The following UBE3C variants were observed in gnomAD, a reference collection of about 807,000 sequenced individuals.
UBE3C encodes ubiquitin-protein ligase E3C.
UBE3C carries 42 observed loss-of-function variants against 129.4 expected under a neutral mutation model. That is an observed-to-expected ratio of 0.32 (90% CI 0.25 to 0.42). The LOEUF is 0.42. Ranked by LOEUF, UBE3C falls within the 10% of genes least tolerant of loss-of-function variation. The probability of loss-of-function intolerance (pLI) is 1.00; values close to 1 mark genes in which losing one functional copy is unlikely to be tolerated. For synonymous variants in UBE3C, 510 were observed against 492.4 expected (o/e 1.04, Z -0.47); for missense variants, 1,049 against 1,319.1 (o/e 0.80, Z 3.17).
At chr7:157,142,817 G>A (rs28434409) in intron 1 of UBE3C, among the ~76,000 whole-genome samples, 2,036 of 151,808 alleles carry the variant, frequency 0.013, 40 homozygotes, top group African/African-American at 0.047. Flanking sequence ...TGTAACAAAC[G>A]TGCATAGGTA....
chr7:157,211,497 C>T (rs1809594735), intron 13 of UBE3C, among the ~76,000 whole-genome samples: 1 of 152,084 alleles, frequency 6.6e-6, no homozygotes, highest in Non-Finnish European at 1.5e-5. Flanking sequence ...TTTCAAAATA[C>T]TCCAGTTTTT....
At position 157,225,395 on chromosome 7, in the gene UBE3C, CTTGT is replaced by C. The variant is rs1012980696; in HGVS notation, c.2101-6_2101-3del. On this transcript the variant is annotated splice_polypyrimidine_tract_variant and splice_region_variant and intron_variant, in intron 16 of 22. Coordinates refer to ENST00000348165, the MANE Select transcript of UBE3C (RefSeq NM_014671.3). ...TGTTTCTAATAACCTTACAGCTTTCCTTGTTTGTTAGATCTTTCAGAGGTTGATT... is the reference window on the plus strand; with the variant it reads ...TGTTTCTAATAACCTTACAGCTTTCCTTGTTAGATCTTTCAGAGGTTGATT... The C allele has an allele frequency of 3.1e-6, 5 of 1,588,144 alleles. No individual in the cohort carries two copies. The highest frequency in any genetic ancestry group is 4.3e-6 in the Non-Finnish European group (5 of 1,173,002).
chr7:157,214,879 G>T (rs1809691526), intron 13 of UBE3C, among the ~76,000 whole-genome samples: 1 of 152,124 alleles, frequency 6.6e-6, no homozygotes. Flanking sequence ...TAATAATGAG[G>T]CTCTCCCCAG....
chr7:157,141,588 T>C (rs1807451573), intron 1 of UBE3C, among the ~76,000 whole-genome samples: 1 of 152,184 alleles, frequency 6.6e-6, no homozygotes, highest in Non-Finnish European at 1.5e-5. Flanking sequence ...CATCCAAACG[T>C]AGATACAGTA....
At chr7:157,161,797 C>T (rs1239677701) in intron 1 of UBE3C, among the ~76,000 whole-genome samples, 1 of 152,026 alleles carries the variant, frequency 6.6e-6, no homozygotes, top group African/African-American at 2.4e-5. Flanking sequence ...CTAGGCCAAG[C>T]ATGGTGTCTC....
At chr7:157,175,160 A>ATTTTTTTTTTTT (rs1808485566) in intron 5 of UBE3C, 126 bp downstream of exon 5, 1 of 329,632 alleles carries the variant, frequency 3.0e-6, no homozygotes, top group African/African-American at 8.7e-5. Context: ...TTTTTTTTTG[A>ATTTTTTTTTTTT]GGTCATGGAC....
chr7:157,163,835 G>A lies in UBE3C; in HGVS notation c.92G>A (p.Arg31His), dbSNP rs2116862902. 6.2e-7 allele frequency: 1 copy of A among 1,613,254 alleles called. No homozygotes were observed. The highest frequency in any genetic ancestry group is 1.3e-5 in the African/African-American group (1 of 74,928). Reference protein sequence around the residue: ...RKEEKASLLHRTQEERRKREE... With the variant: ...RKEEKASLLHHTQEERRKREE... ...GAGGAAAAGGCTTCTCTTTTACATC[G>A]TACTCAGGAAGAAAGAAGAAAGAGA... is the stretch of plus-strand genomic sequence containing the variant. Residue 31 changes from arginine (R) to histidine (H), a missense_variant, in exon 2 of 23, where the codon CGT becomes CAT. Physicochemically the swap from Arg to His is conservative, Grantham distance 29. Transcript: ENST00000348165.
In UBE3C at chr7:157,266,987, C is replaced by T. The variant is rs1248758264; in HGVS notation, c.3082-598C>T. 2.6e-5 allele frequency among the ~76,000 whole-genome samples: 4 copies of T among 152,202 alleles called. 1 individual carries two copies. In the East Asian group the frequency reaches 7.7e-4, roughly 29 times the overall value. On this transcript the variant is annotated intron_variant, in intron 22 of 22. Transcript: ENST00000348165. ...GAACTCCTAAGCTCAAGCCATCCCC[C>T]AGCTAGGCCTCCCAAAGTGCTGGGA...
intron 2 of UBE3C, among the ~76,000 whole-genome samples, chr7:157,166,934 TGG>T (rs1563036428): frequency 3.7e-5 from 5 of 134,524 alleles, no homozygotes; most frequent in South Asian, 4.6e-4. Context: ...GTGGTGGTGG[TGG>T]TGGTGGTTTT....
intron 16 of UBE3C, among the ~76,000 whole-genome samples, chr7:157,223,932 A>G (rs557901497): frequency 6.6e-6 from 1 of 152,344 alleles, no homozygotes; most frequent in Non-Finnish European, 1.5e-5. Flanking sequence ...AGGGGGGAAG[A>G]AACTTTGCAT....
chr7:157,250,934 C>T (rs757742502), intron 19 of UBE3C, among the ~76,000 whole-genome samples: 10 of 152,134 alleles, frequency 6.6e-5, no homozygotes, highest in Non-Finnish European at 5.9e-5. Context: ...TGAAACGTCG[C>T]ATATGCAAGA....
intron 1 of UBE3C, among the ~76,000 whole-genome samples, chr7:157,151,772 C>G (rs925977344): frequency 1.3e-5 from 2 of 152,174 alleles, no homozygotes; most frequent in Non-Finnish European, 2.9e-5. Context: ...CAAGAGGAGT[C>G]AATGATTTTG....
intron 13 of UBE3C, among the ~76,000 whole-genome samples, chr7:157,209,361 G>A (rs1169792269): frequency 1.3e-5 from 2 of 152,204 alleles, no homozygotes; most frequent in African/African-American, 4.8e-5. Flanking sequence ...TGGGCAGATT[G>A]ATGTAATATA....
chr7:157,176,543 G>A (rs1218890185), intron 5 of UBE3C, among the ~76,000 whole-genome samples: 2 of 152,176 alleles, frequency 1.3e-5, no homozygotes, highest in East Asian at 1.9e-4. Context: ...CCAAAGTGCT[G>A]GGATTACAGG....
At chr7:157,140,008 T>G in intron 1 of UBE3C, 1 of 985,462 alleles carries the variant, frequency 1.0e-6, no homozygotes. Context: ...CGACATTAAG[T>G]TGTTCGCATG....
At chr7:157,193,379 G>A (rs531688117) in intron 10 of UBE3C, among the ~76,000 whole-genome samples, 20 of 152,276 alleles carry the variant, frequency 1.3e-4, no homozygotes, top group Admixed American at 1.1e-3. Context: ...TGTGGCACCT[G>A]GACTTAGAGG....
At chr7:157,189,467 G>A (rs34981031) in intron 10 of UBE3C, among the ~76,000 whole-genome samples, 5,640 of 152,254 alleles carry the variant, frequency 0.037, 143 homozygotes, top group Non-Finnish European at 0.058. Context: ...AAGAAAGTAG[G>A]CTACCAAAGA....
At chr7:157,256,324 G>A (rs1796749964) in intron 21 of UBE3C, among the ~76,000 whole-genome samples, 1 of 151,978 alleles carries the variant, frequency 6.6e-6, no homozygotes, top group African/African-American at 2.4e-5. Flanking sequence ...TGTACATTTG[G>A]TAGAGACAGG....
chr7:157,189,391 A>G (rs1563048436), intron 10 of UBE3C: 3 of 154,704 alleles, frequency 1.9e-5, no homozygotes, highest in African/African-American at 7.2e-5. Flanking sequence ...ATGATTAAAT[A>G]TTCACTGGCT....
Sources: gnomAD v4.1 joint callset for allele counts (sites outside exome capture counted in the v4.1 genomes callset) on GRCh38, gnomAD v4.1.1 for gene constraint, MANE v1.5 for transcripts, NCBI Gene and HGNC (gene_info 2026-07-23, HGNC 2026-07-21) for gene names.